The following PDE4D variants were observed in gnomAD, a reference collection of about 807,000 sequenced individuals.
PDE4D encodes phosphodiesterase 4D.
PDE4D carries 24 observed loss-of-function variants against 87.4 expected under a neutral mutation model. That is an observed-to-expected ratio of 0.27 (90% CI 0.20 to 0.39). The LOEUF is 0.39. Among genes scored for constraint, PDE4D ranks in the 10% least tolerant of loss-of-function variants. The pLI is 1.00. For missense variants in PDE4D, 714 were observed against 1,041.0 expected, an observed-to-expected ratio of 0.69 and a Z score of 4.32; for synonymous variants, 384 against 383.2, an observed-to-expected ratio of 1.00 and a Z score of -0.02.
chr5:59,543,714 G>C (rs900822555), intron 1 of PDE4D, among the ~76,000 whole-genome samples: 1 of 151,974 alleles, frequency 6.6e-6, no homozygotes, highest in Non-Finnish European at 1.5e-5. Flanking sequence ...CGTCTGGATG[G>C]AAGAGCGCCC....
intron 3 of PDE4D, among the ~76,000 whole-genome samples, chr5:59,977,111 G>A (rs1001276553): frequency 1.3e-5 from 2 of 152,146 alleles, no homozygotes; most frequent in South Asian, 2.1e-4. Flanking sequence ...CAGGTCTCTC[G>A]CATTAAGTCA....
intron 3 of PDE4D, among the ~76,000 whole-genome samples, chr5:59,920,530 C>G (rs970977433): frequency 2.6e-5 from 4 of 152,110 alleles, no homozygotes; most frequent in African/African-American, 7.2e-5. Flanking sequence ...TGGCTTTGAA[C>G]TAGCAGTATG....
At chr5:60,164,940 T>C (rs1782760607) in intron 2 of PDE4D, among the ~76,000 whole-genome samples, 2 of 152,132 alleles carry the variant, frequency 1.3e-5, no homozygotes, top group Admixed American at 1.3e-4. Flanking sequence ...AATAATACAA[T>C]ATATTGCCAT....
chr5:60,047,515 A>T (rs1029063238), intron 2 of PDE4D, among the ~76,000 whole-genome samples: 1 of 152,092 alleles, frequency 6.6e-6, no homozygotes, highest in African/African-American at 2.4e-5. Context: ...AGTGCTATAA[A>T]TTTCCCTCTA....
At chr5:59,963,109 G>T (rs1759658057) in intron 3 of PDE4D, among the ~76,000 whole-genome samples, 1 of 152,250 alleles carries the variant, frequency 6.6e-6, no homozygotes, top group African/African-American at 2.4e-5. Flanking sequence ...TAGGGATGAT[G>T]GAGAGGGTCT....
chr5:59,996,207 C>A (rs1763513580), intron 2 of PDE4D, among the ~76,000 whole-genome samples: 1 of 152,178 alleles, frequency 6.6e-6, no homozygotes, highest in African/African-American at 2.4e-5. Flanking sequence ...CTACACTATG[C>A]AGAGCATTGT....
chr5:60,172,029 A>C (rs1412653707), intron 2 of PDE4D, among the ~76,000 whole-genome samples: 1 of 150,026 alleles, frequency 6.7e-6, no homozygotes, highest in Non-Finnish European at 1.5e-5. Flanking sequence ...AAAAATAGGA[A>C]TAATAATCGT....
intron 1 of PDE4D, among the ~76,000 whole-genome samples, chr5:59,378,969 CGTGTGTGTGTTT>C (rs1785241121): frequency 9.7e-6 from 1 of 102,612 alleles, no homozygotes; most frequent in Non-Finnish European, 1.9e-5. Flanking sequence ...TGTGTGTCCA[CGTGTGTGTGTTT>C]GTGTGTGTGT....
chr5:60,515,545 T>C (rs146825585), intron 1 of PDE4D, among the ~76,000 whole-genome samples: 3 of 152,082 alleles, frequency 2.0e-5, no homozygotes, highest in Non-Finnish European at 4.4e-5. Flanking sequence ...GGAGAGATTA[T>C]ATGTTTTAAG....
chr5:60,515,297 A>G (rs1203880187), intron 1 of PDE4D, among the ~76,000 whole-genome samples: 1 of 152,160 alleles, frequency 6.6e-6, no homozygotes, highest in Non-Finnish European at 1.5e-5. Context: ...AGTCTCCATT[A>G]TAAAATAAAG....
intron 1 of PDE4D, among the ~76,000 whole-genome samples, chr5:59,454,963 T>C (rs561090240): frequency 3.9e-5 from 6 of 152,154 alleles, no homozygotes; most frequent in Non-Finnish European, 7.4e-5. Context: ...GTGGAAGAAA[T>C]TTCTAAGCAG....
At chr5:58,983,170 G>C (rs1332675493) in intron 11 of PDE4D, among the ~76,000 whole-genome samples, 3 of 152,226 alleles carry the variant, frequency 2.0e-5, no homozygotes, top group Admixed American at 2.0e-4. Context: ...CCAGAGAGGG[G>C]CAGTAGTGCT....
intron 1 of PDE4D, among the ~76,000 whole-genome samples, chr5:60,405,446 C>T (rs1741448314): frequency 6.6e-6 from 1 of 152,188 alleles, no homozygotes; most frequent in Admixed American, 6.5e-5. Context: ...GTAACTGGCG[C>T]AATTTTTGGC....
chr5:60,267,938 G>T (rs1241268524), intron 1 of PDE4D, among the ~76,000 whole-genome samples: 2 of 152,182 alleles, frequency 1.3e-5, no homozygotes, highest in African/African-American at 4.8e-5. Flanking sequence ...GTCAAAGGCT[G>T]GCTCTGGGGT....
chr5:59,276,241 C>G, intron 1 of PDE4D: 1 of 516,714 alleles, frequency 1.9e-6, no homozygotes, highest in East Asian at 1.5e-4. Flanking sequence ...ACCGGCCAAG[C>G]AGACAAGAGA....
chr5:59,375,658 G>T (rs1784590753), intron 1 of PDE4D, among the ~76,000 whole-genome samples: 1 of 152,062 alleles, frequency 6.6e-6, no homozygotes, highest in African/African-American at 2.4e-5. Flanking sequence ...CCAAAACTGA[G>T]AAGGATGGAC....
chr5:60,244,688 A>G (rs1747514488), intron 1 of PDE4D, among the ~76,000 whole-genome samples: 1 of 152,074 alleles, frequency 6.6e-6, no homozygotes, highest in African/African-American at 2.4e-5. Context: ...TGCCAAGAAC[A>G]TACATTAGGG....
At chr5:60,005,514 G>A (rs953336422) in intron 2 of PDE4D, among the ~76,000 whole-genome samples, 1 of 151,562 alleles carries the variant, frequency 6.6e-6, no homozygotes, top group Non-Finnish European at 1.5e-5. Flanking sequence ...ATAGAATAAG[G>A]TAACCATTTA....
At chr5:60,497,374 G>T (rs1749861568) in intron 1 of PDE4D, among the ~76,000 whole-genome samples, 2 of 151,974 alleles carry the variant, frequency 1.3e-5, no homozygotes, top group Admixed American at 1.3e-4. Flanking sequence ...TTGGCCGCTT[G>T]CAATTCTTTT....
Sources: gnomAD v4.1 joint callset for allele counts (sites outside exome capture counted in the v4.1 genomes callset) on GRCh38, gnomAD v4.1.1 for gene constraint, MANE v1.5 for transcripts, NCBI Gene and HGNC (gene_info 2026-07-23, HGNC 2026-07-21) for gene names.